Variants in VDR observed in about 807,000 individuals in gnomAD.
The protein encoded by VDR is vitamin D3 receptor.
In VDR, 19 loss-of-function variants were observed where a neutral mutation model predicts 39.7. The ratio of observed to expected loss-of-function variants is 0.48; its 90% CI spans 0.33 to 0.70. The LOEUF is 0.70. Among genes scored for constraint, VDR ranks in the 30% least tolerant of loss-of-function variants. VDR has a pLI of 0.02. For synonymous variants in VDR, 242 were observed against 215.8 expected, an observed-to-expected ratio of 1.12 and a Z score of -1.07; for missense variants, 442 against 570.5, an observed-to-expected ratio of 0.77 and a Z score of 2.29.
rs4987032 is a variant in VDR, at chr12:47,844,980, C to T, written c.1050G>A (p.Ala350=). ...GGCGGTCCTGGATGGCCTCAATCAG[C>T]GCGGCGTCCTGCACCCCAGGACGAT... ...SPDRPGVQDA[A]LIEAIQDRLS... Residue 350 remains alanine (A), a synonymous_variant, in exon 10 of 10, where the codon GCG becomes GCA. Transcript: ENST00000549336. The T allele has an allele frequency of 5.1e-5, 82 of 1,613,326 alleles. No individual in the cohort carries two copies. Among genetic ancestry groups the T allele is most frequent in the Non-Finnish European group, 6.5e-5 (77 of 1,179,950 alleles).
rs1470064884 is a variant in VDR, at chr12:47,883,020, C to T, written c.-83-246G>A. 17 of 456,706 alleles carry T rather than the reference C, an allele frequency of 3.7e-5. No individual in the cohort carries two copies. In the South Asian group the frequency reaches 4.2e-4, roughly 11 times the overall value. 28.3% of individuals were successfully genotyped at this position (456,706 alleles called of 1,614,324 possible). A position where few individuals can be genotyped will look rare whatever the true frequency, so the allele number is the denominator to read the frequency against. On this transcript the variant is annotated intron_variant, in intron 1 of 9. Transcript: ENST00000549336. ...AGGGAGTAGCAGGAGCAGTGGGAAG[C>T]GGTGGCGGCAACCAGCCCCAGGCAG...
At chr12:47,904,462 T>TAAAAAAAAAAAAAAAAA (rs17886628) in intron 1 of VDR, 72 of 360,300 alleles carry the variant, frequency 2.0e-4, no homozygotes, top group East Asian at 1.4e-3. Flanking sequence ...CAAAGAAAAG[T>TAAAAAAAAAAAAAAAAA]AAAAAAAAAA....
intron 7 of VDR, among the ~76,000 whole-genome samples, chr12:47,852,651 C>T (rs114093942): frequency 0.014 from 2,177 of 152,216 alleles, 49 homozygotes; most frequent in African/African-American, 0.049. Context: ...GGAAGAGCAT[C>T]GAAAAATTTC....
intron 3 of VDR, among the ~76,000 whole-genome samples, chr12:47,875,224 G>C (rs1268518161): frequency 6.6e-6 from 1 of 152,224 alleles, no homozygotes; most frequent in Non-Finnish European, 1.5e-5. Context: ...AGCTCCTAGA[G>C]CAGTTTAGTT....
Position 47,879,082 on chromosome 12 carries a change from G to A in VDR, c.32C>T (p.Pro11Leu). 1 of 1,614,088 alleles carries A rather than the reference G, an allele frequency of 6.2e-7. No individual in the cohort carries two copies. Among genetic ancestry groups the A allele is most frequent in the South Asian group, 1.1e-5 (1 of 91,076 alleles). The change falls in exon 3 of 10, where the codon CCT (proline) becomes CTT (leucine). Residue 11 changes from proline to leucine, a missense_variant. By Grantham distance (98) the Pro-to-Leu change is moderately conservative. Coordinates refer to ENST00000549336, the MANE Select transcript of VDR (RefSeq NM_000376.3). MEAMAASTSL[P>L]DPGDFDRNVP... ...GTTCCGGTCAAAGTCTCCAGGGTCAGGCAGGGAAGTGCTGGCCGCCATTGC... is the reference window on the plus strand; with the variant it reads ...GTTCCGGTCAAAGTCTCCAGGGTCAAGCAGGGAAGTGCTGGCCGCCATTGC...
chr12:47,842,207 A>G lies in VDR; in HGVS notation c.*2539T>C. ...GCTGAGGTGGAGAGCCCAGCAGGCC[A>G]GGGCCACATCGTGGTGGGGTAGGGT... is the stretch of plus-strand genomic sequence containing the variant. On this transcript the variant is annotated 3_prime_UTR_variant, in exon 10 of 10. Coordinates refer to ENST00000549336, the MANE Select transcript of VDR (RefSeq NM_000376.3). 1 of 152,698 alleles carries G rather than the reference A, an allele frequency of 6.5e-6. No homozygotes were observed. The highest frequency in any genetic ancestry group is 1.5e-5 in the Non-Finnish European group (1 of 68,172). The allele number at this position is 152,698 out of a possible 1,614,324, so 9.5% of individuals were successfully genotyped here.
At chr12:47,865,990 C>T (rs182617057) in intron 3 of VDR, among the ~76,000 whole-genome samples, 83 of 152,164 alleles carry the variant, frequency 5.5e-4, no homozygotes, top group Admixed American at 4.7e-3. Context: ...GCTGGGATTA[C>T]AGGCGTGAGC....
At chr12:47,873,125 T>C (rs1261777532) in intron 3 of VDR, among the ~76,000 whole-genome samples, 2 of 152,130 alleles carry the variant, frequency 1.3e-5, no homozygotes, top group Admixed American at 6.5e-5. Context: ...TGGTGGGACA[T>C]GATTGGATCA....
At chr12:47,881,121 C>T (rs914849956) in intron 2 of VDR, among the ~76,000 whole-genome samples, 4 of 106,144 alleles carry the variant, frequency 3.8e-5, no homozygotes, top group Non-Finnish European at 4.1e-5. Flanking sequence ...TATATATATA[C>T]ACACACATAT....
rs537829675 is a variant in VDR, at chr12:47,877,777, T to A, written c.146+1191A>T. Among the ~76,000 whole-genome samples, 3 of 152,266 alleles carry A rather than the reference T, an allele frequency of 2.0e-5. No individual in the cohort carries two copies. In the South Asian group the frequency reaches 6.2e-4, roughly 32 times the overall value. On this transcript the variant is annotated intron_variant, in intron 3 of 9. Transcript: ENST00000549336. Reference sequence around the variant, plus strand: ...GATTGGCAAATGCAGCAACACGACTTAGAGCCAGCGATGCTGCTTGTCTGG... The same window carrying A: ...GATTGGCAAATGCAGCAACACGACTAAGAGCCAGCGATGCTGCTTGTCTGG...
At chr12:47,898,699 C>T (rs1234537513) in intron 1 of VDR, 1 of 155,286 alleles carries the variant, frequency 6.4e-6, no homozygotes, top group Admixed American at 6.5e-5. Context: ...AACTCATGAA[C>T]TGCAGTGGTG....
intron 7 of VDR, among the ~76,000 whole-genome samples, chr12:47,855,101 G>A (rs1047795239): frequency 3.3e-5 from 5 of 152,174 alleles, no homozygotes; most frequent in African/African-American, 1.2e-4. Context: ...AGACCAAGGT[G>A]GTTGGATCAC....
chr12:47,867,528 C>T (rs1051717694), intron 3 of VDR, among the ~76,000 whole-genome samples: 14 of 152,178 alleles, frequency 9.2e-5, no homozygotes, highest in Admixed American at 6.5e-4. Context: ...GCATAAAGGA[C>T]ACCTCCCTGA....
intron 1 of VDR, among the ~76,000 whole-genome samples, chr12:47,891,124 T>C (rs188666171): frequency 6.6e-6 from 1 of 152,350 alleles, no homozygotes; most frequent in East Asian, 1.9e-4. Flanking sequence ...CTCTGAGATA[T>C]TTGGGATCCT....
chr12:47,866,315 T>C (rs1423921510), intron 3 of VDR, among the ~76,000 whole-genome samples: 2 of 151,438 alleles, frequency 1.3e-5, no homozygotes, highest in African/African-American at 2.4e-5. Flanking sequence ...CACTGTGGTC[T>C]CGATCTCCTG....
intron 4 of VDR, among the ~76,000 whole-genome samples, chr12:47,860,224 C>G (rs1453683859): frequency 6.6e-6 from 1 of 152,090 alleles, no homozygotes; most frequent in Non-Finnish European, 1.5e-5. Context: ...CCTTGGCCTC[C>G]CAAAGTGCTG....
intron 8 of VDR, 38 bp downstream of exon 8, chr12:47,846,619 C>T (rs1297782374): frequency 6.2e-7 from 1 of 1,612,436 alleles, no homozygotes; most frequent in Admixed American, 1.7e-5. Flanking sequence ...AATCTGGGAG[C>T]TGAAAAAGAC....
intron 1 of VDR, among the ~76,000 whole-genome samples, chr12:47,885,147 T>C (rs1163380047): frequency 6.6e-6 from 1 of 151,948 alleles, no homozygotes; most frequent in African/African-American, 2.4e-5. Flanking sequence ...AGAGCAACCC[T>C]CTCCTGACCC....
In VDR at chr12:47,865,242, G is replaced by A. The variant is rs11574065; in HGVS notation, c.147-65C>T. The A allele has an allele frequency of 1.7e-3, 2,700 of 1,596,564 alleles. 42 individuals carry two copies. The African/African-American group carries it at 0.031, about 19-fold the overall frequency. ...TTCCGGCTCCTCACCCTGTCATCAC[G>A]GAGACCTGTCTTCTGGGCCCCCTGG... On this transcript the variant is annotated intron_variant, in intron 3 of 9. Coordinates refer to ENST00000549336, the MANE Select transcript of VDR (RefSeq NM_000376.3).
Sources: allele counts gnomAD v4.1 joint callset (sites outside exome capture counted in the v4.1 genomes callset), GRCh38; gene constraint gnomAD v4.1.1; transcripts MANE v1.5; gene names NCBI Gene and HGNC (gene_info 2026-07-23, HGNC 2026-07-21).